ZEB1: variants seen among roughly 807,000 people sequenced by gnomAD.
The protein encoded by ZEB1 is zinc finger E-box binding homeobox 1, also known as zinc finger E-box-binding homeobox 1.
ZEB1 carries 21 observed loss-of-function variants against 84.9 expected under a neutral mutation model. The observed-to-expected ratio is 0.25, with a 90% confidence interval of 0.18 to 0.36. The LOEUF is 0.36. Ranked by LOEUF, ZEB1 falls within the 10% of genes least tolerant of loss-of-function variation. The probability of loss-of-function intolerance (pLI) is 1.00; values close to 1 mark genes in which losing one functional copy is unlikely to be tolerated. For missense variants in ZEB1, 1,104 were observed against 1,330.2 expected (o/e 0.83, Z 2.65); for synonymous variants, 420 against 471.1 (o/e 0.89, Z 1.41).
intron 1 of ZEB1, chr10:31,320,520 C>G (rs974060986): frequency 6.6e-6 from 1 of 152,052 alleles, no homozygotes; most frequent in Non-Finnish European, 1.5e-5. Flanking sequence ...GACGGACGCG[C>G]GGGGCTGCTA....
chr10:31,469,865 T>A (rs1044743703), intron 2 of ZEB1, among the ~76,000 whole-genome samples: 2 of 152,198 alleles, frequency 1.3e-5, no homozygotes, highest in Non-Finnish European at 2.9e-5. Flanking sequence ...GCTGGAGATC[T>A]GAGAACGGGT....
At chr10:31,526,096 G>A (rs900426237) in intron 8 of ZEB1, among the ~76,000 whole-genome samples, 1 of 152,078 alleles carries the variant, frequency 6.6e-6, no homozygotes, top group Non-Finnish European at 1.5e-5. Flanking sequence ...TTGCCCTCAC[G>A]GGCCAAAACT....
At chr10:31,363,167 C>T (rs917635979) in intron 1 of ZEB1, 38 of 1,533,852 alleles carry the variant, frequency 2.5e-5, no homozygotes, top group Non-Finnish European at 3.0e-5. Context: ...TCCTCCCCCA[C>T]CATCAGCAAG....
intron 2 of ZEB1, among the ~76,000 whole-genome samples, chr10:31,464,877 A>G (rs2062212723): frequency 1.3e-5 from 2 of 152,188 alleles, no homozygotes; most frequent in South Asian, 4.1e-4. Flanking sequence ...AACTGAAGGC[A>G]GTTTTTCAAG....
intron 1 of ZEB1, among the ~76,000 whole-genome samples, chr10:31,335,801 T>C (rs926075670): frequency 3.3e-5 from 5 of 152,084 alleles, no homozygotes; most frequent in Non-Finnish European, 5.9e-5. Flanking sequence ...ATACAATGAT[T>C]AGAAAGAAAA....
At chr10:31,473,890 C>T (rs1477421673) in intron 2 of ZEB1, among the ~76,000 whole-genome samples, 1 of 150,668 alleles carries the variant, frequency 6.6e-6, no homozygotes, top group African/African-American at 2.5e-5. Context: ...GAACAGAGCC[C>T]TCAGAAATAA....
intron 6 of ZEB1, among the ~76,000 whole-genome samples, chr10:31,518,495 G>T (rs2071617382): frequency 6.6e-6 from 1 of 152,144 alleles, no homozygotes; most frequent in African/African-American, 2.4e-5. Flanking sequence ...AACTCAGCCT[G>T]TCTCTTAGTA....
chr10:31,390,266 C>G lies in ZEB1; in HGVS notation c.59-70771C>G, dbSNP rs1434220124. Among the ~76,000 whole-genome samples, 2 of 152,170 alleles carry G rather than the reference C, an allele frequency of 1.3e-5. 1 individual carries two copies. The highest frequency in any genetic ancestry group is 4.1e-4 in the South Asian group (2 of 4,836). On this transcript the variant is annotated intron_variant, in intron 1 of 8. Coordinates refer to ENST00000424869, the MANE Select transcript of ZEB1 (RefSeq NM_001174096.2). ...CTGGTTTAACTTGAGAAGAGGACAT[C>G]ATCAGGCTGCCTGGAATCTTGGAGG...
chr10:31,473,760 T>G (rs2138081446), intron 2 of ZEB1, among the ~76,000 whole-genome samples: 1 of 150,758 alleles, frequency 6.6e-6, no homozygotes, highest in Admixed American at 6.6e-5. Context: ...AAGTCAATCC[T>G]AAGCCAAAAG....
intron 1 of ZEB1, among the ~76,000 whole-genome samples, chr10:31,453,777 TA>T (rs778800220): frequency 1.0e-4 from 15 of 150,602 alleles, no homozygotes; most frequent in African/African-American, 2.9e-4. Flanking sequence ...AGCCTCCCAA[TA>T]AAAAAAAATG....
At position 31,343,712 on chromosome 10, in the gene ZEB1, G is replaced by A. The variant is rs79886374; in HGVS notation, c.58+24420G>A. Among the ~76,000 whole-genome samples the A allele has an allele frequency of 3.3e-3, 497 of 152,218 alleles. 10 individuals carry two copies. In the East Asian group the frequency reaches 0.039, roughly 12 times the overall value. ...TCTGAAGGTGCCATTTAGAGCAGGT[G>A]TGCTATGGTTTGGTGGCTCTCTATT... On this transcript the variant is annotated intron_variant, in intron 1 of 8. Coordinates refer to ENST00000424869, the MANE Select transcript of ZEB1 (RefSeq NM_001174096.2).
chr10:31,463,113 C>A (rs1362349457), intron 2 of ZEB1, among the ~76,000 whole-genome samples: 1 of 151,994 alleles, frequency 6.6e-6, no homozygotes, highest in Non-Finnish European at 1.5e-5. Flanking sequence ...TATTTCTTAT[C>A]TGTGGCCTGA....
At chr10:31,361,610 G>C (rs1401175494) in intron 1 of ZEB1, among the ~76,000 whole-genome samples, 2 of 152,046 alleles carry the variant, frequency 1.3e-5, no homozygotes, top group Admixed American at 1.3e-4. Context: ...GCAGGGGCTG[G>C]GCAGAGGCAC....
intron 8 of ZEB1, 109 bp downstream of exon 8, chr10:31,524,222 T>C: frequency 8.0e-7 from 1 of 1,251,104 alleles, no homozygotes. Context: ...TTTTTTATTT[T>C]GTTTTGAGAC....
chr10:31,412,456 G>C (rs757638647), intron 1 of ZEB1, among the ~76,000 whole-genome samples: 5 of 152,026 alleles, frequency 3.3e-5, no homozygotes, highest in Non-Finnish European at 5.9e-5. Context: ...TCCCCTTCCT[G>C]TGTCCAAGTG....
chr10:31,345,953 G>A (rs1008214988), intron 1 of ZEB1, among the ~76,000 whole-genome samples: 10 of 152,070 alleles, frequency 6.6e-5, no homozygotes, highest in Non-Finnish European at 1.5e-4. Flanking sequence ...AGTGGAAAGG[G>A]ACCTTAAAAA....
chr10:31,413,845 A>T (rs2054730750), intron 1 of ZEB1, among the ~76,000 whole-genome samples: 1 of 152,176 alleles, frequency 6.6e-6, no homozygotes, highest in Non-Finnish European at 1.5e-5. Context: ...TTAACTTGAT[A>T]AAAAAGGGAA....
Position 31,527,278 on chromosome 10 carries a change from A to G in ZEB1, c.*14A>G, listed in dbSNP as rs1182125530. On this transcript the variant is annotated 3_prime_UTR_variant, in exon 9 of 9. Coordinates refer to ENST00000424869, the MANE Select transcript of ZEB1 (RefSeq NM_001174096.2). ...AATGAAGCCTAATCGTTTTTCTAGA[A>G]GGAAAATAAATTCTAATTGATAATG... 1.9e-6 allele frequency: 3 copies of G among 1,590,222 alleles called. No homozygotes were observed. Among genetic ancestry groups the G allele is most frequent in the Non-Finnish European group, 2.6e-6 (3 of 1,171,176 alleles).
intron 1 of ZEB1, among the ~76,000 whole-genome samples, chr10:31,343,922 CT>C (rs1292032737): frequency 6.6e-6 from 1 of 152,084 alleles, no homozygotes; most frequent in Non-Finnish European, 1.5e-5. Flanking sequence ...GAGACTAAAG[CT>C]TGGGGTCAAT....
Sources: allele counts gnomAD v4.1 joint callset (sites outside exome capture counted in the v4.1 genomes callset), GRCh38; gene constraint gnomAD v4.1.1; transcripts MANE v1.5; gene names NCBI Gene and HGNC (gene_info 2026-07-23, HGNC 2026-07-21).